PTPRS: variants seen among roughly 807,000 people sequenced by gnomAD.
PTPRS encodes protein tyrosine phosphatase receptor type S.
PTPRS carries 63 observed loss-of-function variants against 215.3 expected under a neutral mutation model. The observed-to-expected ratio is 0.29, with a 90% confidence interval of 0.24 to 0.36. PTPRS has a LOEUF of 0.36. PTPRS is among the 10% of genes least tolerant of loss of function. The probability of loss-of-function intolerance (pLI) is 1.00; values close to 1 mark genes in which losing one functional copy is unlikely to be tolerated. For synonymous variants in PTPRS, 1,404 were observed against 1,191.4 expected (o/e 1.18, Z -3.68); for missense variants, 2,258 against 2,825.8 (o/e 0.80, Z 4.56).
intron 1 of PTPRS, among the ~76,000 whole-genome samples, chr19:5,313,339 A>C (rs565763437): frequency 4.6e-5 from 7 of 152,328 alleles, no homozygotes; most frequent in African/African-American, 1.7e-4. Flanking sequence ...ACAGGGGTGT[A>C]CCCAGGAGGA....
chr19:5,239,136 G>T, intron 12 of PTPRS, 73 bp from the exon 13 acceptor site: 1 of 1,152,352 alleles, frequency 8.7e-7, no homozygotes, highest in South Asian at 1.3e-5. Flanking sequence ...AGGGGAGAGA[G>T]AGAGAGACAG....
chr19:5,320,842 T>C (rs73532904), intron 1 of PTPRS, among the ~76,000 whole-genome samples: 19,146 of 152,212 alleles, frequency 0.13, 1,224 homozygotes, highest in African/African-American at 0.15. Context: ...GAGGTTATCA[T>C]TATCCTCATT....
intron 4 of PTPRS, among the ~76,000 whole-genome samples, chr19:5,268,956 C>T (rs1332632396): frequency 1.3e-5 from 2 of 152,194 alleles, no homozygotes; most frequent in East Asian, 1.9e-4. Context: ...GTCCATCCTT[C>T]CTGGGCCAGG....
chr19:5,240,378 C>T, intron 11 of PTPRS, 46 bp from the exon 12 acceptor site: 1 of 1,520,078 alleles, frequency 6.6e-7, no homozygotes, highest in South Asian at 1.3e-5. Flanking sequence ...AGCGTCCACC[C>T]CACAAAGGGG....
chr19:5,239,169 G>GAGAA, intron 12 of PTPRS, 106 bp from the exon 13 acceptor site: 1 of 660,204 alleles, frequency 1.5e-6, no homozygotes. Context: ...GAGGGGGAGA[G>GAGAA]AGAGAGAGAG....
At chr19:5,266,558 G>A (rs944185098) in intron 4 of PTPRS, among the ~76,000 whole-genome samples, 1 of 151,976 alleles carries the variant, frequency 6.6e-6, no homozygotes, top group Non-Finnish European at 1.5e-5. Flanking sequence ...GTAGAGAAGG[G>A]GTTTTGCCAT....
chr19:5,259,254 TC>T (rs1297172869), intron 7 of PTPRS, among the ~76,000 whole-genome samples: 1 of 152,194 alleles, frequency 6.6e-6, no homozygotes, highest in Admixed American at 6.5e-5. Flanking sequence ...AGGACTGATT[TC>T]CCCTCAATAC....
intron 1 of PTPRS, among the ~76,000 whole-genome samples, chr19:5,298,299 A>C (rs2049201474): frequency 6.6e-6 from 1 of 152,086 alleles, no homozygotes. Flanking sequence ...GAAACTTCCA[A>C]AGCAGGGGTG....
intron 1 of PTPRS, among the ~76,000 whole-genome samples, chr19:5,335,550 G>A (rs1270263395): frequency 6.6e-6 from 1 of 152,182 alleles, no homozygotes; most frequent in Non-Finnish European, 1.5e-5. Flanking sequence ...AGAAAAAGGG[G>A]AATTTTCAGT....
chr19:5,245,658 T>C lies in PTPRS; in HGVS notation c.988+118A>G, dbSNP rs557705964. 2.9e-6 allele frequency: 4 copies of C among 1,402,150 alleles called. No individual in the cohort carries two copies. In the South Asian group the frequency reaches 6.2e-5, roughly 22 times the overall value. The allele number at this position is 1,402,150 out of a possible 1,614,324, so 86.9% of individuals were successfully genotyped here. On this transcript the variant is annotated intron_variant, in intron 10 of 37. Coordinates refer to ENST00000262963, the MANE Select transcript of PTPRS (RefSeq NM_002850.4). ...CAACCGTCCCCTTCCTAGCCATGAA[T>C]GACTGAAGCCAAGAGGGTAACTCGG...
intron 22 of PTPRS, 49 bp from the exon 23 acceptor site, chr19:5,219,516 T>C: frequency 6.6e-7 from 1 of 1,506,906 alleles, no homozygotes; most frequent in South Asian, 1.3e-5. Context: ...CTCCTTGTAG[T>C]GGCCAGATGG....
intron 9 of PTPRS, among the ~76,000 whole-genome samples, chr19:5,247,776 G>C (rs575325898): frequency 6.6e-6 from 1 of 152,128 alleles, no homozygotes; most frequent in South Asian, 2.1e-4. Flanking sequence ...TCCAGCCTCG[G>C]TTCCTAGCTG....
chr19:5,285,545 C>A (rs1396899541), intron 2 of PTPRS, among the ~76,000 whole-genome samples: 1 of 152,230 alleles, frequency 6.6e-6, no homozygotes, highest in Admixed American at 6.5e-5. Flanking sequence ...TCCCAAGAAG[C>A]CTCCCCTGGC....
At chr19:5,267,455 G>C (rs993557262) in intron 4 of PTPRS, among the ~76,000 whole-genome samples, 3 of 152,044 alleles carry the variant, frequency 2.0e-5, no homozygotes, top group Non-Finnish European at 4.4e-5. Flanking sequence ...TCAGGAGTTC[G>C]AGACCAGCCT....
rs2049031794 is a variant in PTPRS, at chr19:5,293,795, G to T, written c.-94-7561C>A. On this transcript the variant is annotated intron_variant, in intron 1 of 37. Coordinates refer to ENST00000262963, the MANE Select transcript of PTPRS (RefSeq NM_002850.4). The surrounding 1 kb of genome is among the most constrained non-coding windows in gnomAD (Gnocchi z 8.4). Reference sequence around the variant, plus strand: ...GCTTCCCTCCCGCTGGGGGTCCAGGGGAATGAATGGGGGGACACCGTGGCA... The same window carrying T: ...GCTTCCCTCCCGCTGGGGGTCCAGGTGAATGAATGGGGGGACACCGTGGCA... Among the ~76,000 whole-genome samples, 1 of 152,148 alleles carries T rather than the reference G, an allele frequency of 6.6e-6. No individual in the cohort carries two copies. The highest frequency in any genetic ancestry group is 2.4e-5 in the African/African-American group (1 of 41,454).
rs551972088 is a variant in PTPRS at position 5,212,944 on chromosome 19, G to A, written c.4615-453C>T. ...GGACGGTTTCCAAGTAGAGTCTTGC[G>A]GACGCCTCACACACAACGTGGCCAA... On this transcript the variant is annotated intron_variant, in intron 30 of 37. Coordinates refer to ENST00000262963, the MANE Select transcript of PTPRS (RefSeq NM_002850.4). Among the ~76,000 whole-genome samples, 13 of 151,908 alleles carry A rather than the reference G, an allele frequency of 8.6e-5. 1 individual carries two copies. Among genetic ancestry groups the A allele is most frequent in the South Asian group, 8.3e-4 (4 of 4,814 alleles).
intron 4 of PTPRS, among the ~76,000 whole-genome samples, chr19:5,269,238 G>T (rs2046696433): frequency 6.6e-6 from 1 of 152,110 alleles, no homozygotes. Context: ...TGGCCCCGCA[G>T]GGGTCCCCAT....
chr19:5,307,430 T>G (rs1277122253), intron 1 of PTPRS, among the ~76,000 whole-genome samples: 2 of 150,162 alleles, frequency 1.3e-5, no homozygotes, highest in Non-Finnish European at 3.0e-5. Flanking sequence ...CTTAGTGTTA[T>G]GAGATCAGTA....
intron 17 of PTPRS, among the ~76,000 whole-genome samples, chr19:5,224,732 TAGA>T (rs149090728): frequency 0.02 from 3,115 of 152,226 alleles, 63 homozygotes; most frequent in African/African-American, 0.055. Context: ...CCCTGCTGGC[TAGA>T]AGAAGGGAGG....
Sources: allele counts gnomAD v4.1 joint callset (sites outside exome capture counted in the v4.1 genomes callset), GRCh38; gene constraint gnomAD v4.1.1; non-coding constraint Gnocchi (gnomAD v3.1); transcripts MANE v1.5; gene names NCBI Gene and HGNC (gene_info 2026-07-23, HGNC 2026-07-21).